Variants in RPS6KC1 observed in about 807,000 individuals in gnomAD.
RPS6KC1 encodes the protein ribosomal protein S6 kinase C1, also known as inactive ribosomal protein S6 kinase delta-1.
Under a neutral mutation model 103.8 loss-of-function variants are expected in RPS6KC1, and 54 were observed. The observed-to-expected ratio is 0.52, with a 90% CI of 0.42 to 0.65. RPS6KC1 has a LOEUF of 0.65. Among genes scored for constraint, RPS6KC1 ranks in the 30% least tolerant of loss-of-function variants. The pLI is 0.00. For missense variants in RPS6KC1, 1,151 were observed against 1,253.8 expected, an observed-to-expected ratio of 0.92 and a Z score of 1.24; for synonymous variants, 439 against 438.7, an observed-to-expected ratio of 1.00 and a Z score of -0.01.
chr1:213,066,149 T>C (rs1187253195), intron 1 of RPS6KC1, among the ~76,000 whole-genome samples: 1 of 152,182 alleles, frequency 6.6e-6, no homozygotes, highest in Non-Finnish European at 1.5e-5. Flanking sequence ...TTGAACAGTA[T>C]TAGCACAGAT....
At chr1:213,546,845 A>G in the RPS6KC1 span, among the ~76,000 whole-genome samples, 1 of 152,198 alleles carries the variant, frequency 6.6e-6, no homozygotes, top group South Asian at 2.1e-4. Flanking sequence ...CATTATTCTT[A>G]ACTAAGGTCC....
the RPS6KC1 span, among the ~76,000 whole-genome samples, chr1:213,501,255 G>A: frequency 6.6e-6 from 1 of 152,154 alleles, no homozygotes; most frequent in Non-Finnish European, 1.5e-5. Flanking sequence ...TTGAATACAT[G>A]AATGAATGAC....
intron 3 of RPS6KC1, among the ~76,000 whole-genome samples, chr1:213,079,876 T>C (rs887278302): frequency 2.6e-5 from 4 of 152,008 alleles, no homozygotes; most frequent in Non-Finnish European, 4.4e-5. Flanking sequence ...CAAGTACTTA[T>C]ATCTGTATCT....
chr1:213,093,371 C>T (rs950138793), intron 3 of RPS6KC1, among the ~76,000 whole-genome samples: 2 of 151,878 alleles, frequency 1.3e-5, no homozygotes, highest in African/African-American at 2.4e-5. Context: ...CCACCATGCC[C>T]GGCTAATTTT....
chr1:213,670,327 C>G, the RPS6KC1 span, among the ~76,000 whole-genome samples: 22 of 152,170 alleles, frequency 1.4e-4, no homozygotes, highest in African/African-American at 3.6e-4. Flanking sequence ...TTTTGGCCAG[C>G]CTGTTTTCGT....
chr1:213,322,915 T>G, the RPS6KC1 span, among the ~76,000 whole-genome samples: 10 of 1,532 alleles, frequency 6.5e-3, no homozygotes, highest in Admixed American at 0.012. Context: ...GCCCAGCTTT[T>G]TTTTTTTTTT....
chr1:213,809,567 A>G, the RPS6KC1 span, among the ~76,000 whole-genome samples: 1 of 152,214 alleles, frequency 6.6e-6, no homozygotes, highest in Non-Finnish European at 1.5e-5. Flanking sequence ...AACAAAGTAC[A>G]TGTATAATCT....
the RPS6KC1 span, among the ~76,000 whole-genome samples, chr1:213,549,913 C>A: frequency 6.6e-6 from 1 of 151,952 alleles, no homozygotes; most frequent in East Asian, 1.9e-4. Context: ...GCACCACACC[C>A]AGGTTTGCTT....
rs529234184 is a variant in RPS6KC1 at position 213,272,497 on chromosome 1, T to C, written c.3091-27T>C. The C allele has an allele frequency of 4.8e-5, 74 of 1,549,788 alleles. No homozygotes were observed. In the South Asian group the frequency reaches 7.9e-4, roughly 17 times the overall value. The stretch of plus-strand genomic sequence containing the variant: ...CTTTGATTTGCCAGTTGGATTCCTG[T>C]TACTCACTAAGTCCGTCTTTTTTTA... On this transcript the variant is annotated intron_variant, in intron 14 of 14. Transcript: ENST00000366960.
chr1:213,566,828 A>T, the RPS6KC1 span, among the ~76,000 whole-genome samples: 1 of 151,770 alleles, frequency 6.6e-6, no homozygotes, highest in Non-Finnish European at 1.5e-5. Context: ...TAAATGTTTC[A>T]TCATTTTAAA....
At chr1:213,131,079 C>G (rs2085549456) in intron 6 of RPS6KC1, among the ~76,000 whole-genome samples, 1 of 152,096 alleles carries the variant, frequency 6.6e-6, no homozygotes, top group South Asian at 2.1e-4. Context: ...GAAATGTGTT[C>G]AGTTTGCCAT....
intron 8 of RPS6KC1, among the ~76,000 whole-genome samples, chr1:213,197,523 A>AGTATGTATGTAT (rs3056229): frequency 6.0e-5 from 9 of 150,530 alleles, no homozygotes; most frequent in Non-Finnish European, 1.2e-4. Context: ...TGTATTCCTA[A>AGTATGTATGTAT]GTATGTATGT....
chr1:213,381,831 G>A, the RPS6KC1 span, among the ~76,000 whole-genome samples: 3 of 152,202 alleles, frequency 2.0e-5, no homozygotes, highest in Non-Finnish European at 4.4e-5. Context: ...CAGTGGGCGA[G>A]TCGCCGCCCC....
the RPS6KC1 span, among the ~76,000 whole-genome samples, chr1:213,793,857 G>A: frequency 3.9e-5 from 6 of 152,090 alleles, no homozygotes; most frequent in South Asian, 4.1e-4. Context: ...TGTGTAGGGC[G>A]GAAAGGGTTT....
chr1:213,715,634 C>T, the RPS6KC1 span, among the ~76,000 whole-genome samples: 1 of 152,238 alleles, frequency 6.6e-6, no homozygotes, highest in Non-Finnish European at 1.5e-5. Context: ...ACAAAGACAT[C>T]TTTCCTGAAG....
the RPS6KC1 span, among the ~76,000 whole-genome samples, chr1:213,429,308 C>G: frequency 6.6e-6 from 1 of 152,116 alleles, no homozygotes; most frequent in African/African-American, 2.4e-5. Flanking sequence ...CATATACCAC[C>G]ATGCCCAGCT....
At chr1:213,123,433 G>A (rs2084622868) in intron 5 of RPS6KC1, among the ~76,000 whole-genome samples, 1 of 151,724 alleles carries the variant, frequency 6.6e-6, no homozygotes, top group African/African-American at 2.4e-5. Flanking sequence ...TCTGTACGAG[G>A]TATTCTGAGG....
chr1:213,859,726 C>T, the RPS6KC1 span, among the ~76,000 whole-genome samples: 1 of 152,150 alleles, frequency 6.6e-6, no homozygotes, highest in Admixed American at 6.5e-5. Flanking sequence ...TTGGAGAGTG[C>T]TTTACAGGTA....
the RPS6KC1 span, among the ~76,000 whole-genome samples, chr1:213,519,800 T>C: frequency 1.3e-5 from 2 of 152,320 alleles, no homozygotes; most frequent in South Asian, 2.1e-4. Flanking sequence ...CTAGTGAGCA[T>C]TGATTGTCAG....
Sources: gnomAD v4.1 joint callset for allele counts (sites outside exome capture counted in the v4.1 genomes callset) on GRCh38, gnomAD v4.1.1 for gene constraint, MANE v1.5 for transcripts, NCBI Gene and HGNC (gene_info 2026-07-23, HGNC 2026-07-21) for gene names.